SGK2: variants seen among roughly 807,000 people sequenced by gnomAD.
SGK2 encodes the protein serine/threonine-protein kinase Sgk2.
Under a neutral mutation model 47.5 loss-of-function variants are expected in SGK2, and 36 were observed. That is an observed-to-expected ratio of 0.76 (90% CI 0.58 to 1.00). The LOEUF (loss-of-function observed/expected upper bound fraction) is 1.00. Ranked by LOEUF, SGK2 falls within the 50% of genes least tolerant of loss-of-function variation. The probability of loss-of-function intolerance (pLI) is 0.00; values close to 1 mark genes in which losing one functional copy is unlikely to be tolerated. For missense variants in SGK2, 404 were observed against 467.4 expected, an observed-to-expected ratio of 0.86 and a Z score of 1.25; for synonymous variants, 157 against 181.9, an observed-to-expected ratio of 0.86 and a Z score of 1.10.
chr20:43,568,222 T>A (rs1206500280), intron 5 of SGK2, among the ~76,000 whole-genome samples: 3 of 152,186 alleles, frequency 2.0e-5, no homozygotes, highest in African/African-American at 7.2e-5. Flanking sequence ...AGCCTGGCTT[T>A]GCCTTCCCCT....
Position 43,572,241 on chromosome 20 carries a change from C to A in SGK2, c.597+104C>A. 1 of 826,642 alleles carries A rather than the reference C, an allele frequency of 1.2e-6. No homozygotes were observed. Among genetic ancestry groups the A allele is most frequent in the Non-Finnish European group, 2.0e-6 (1 of 500,584 alleles). 51.2% of individuals were successfully genotyped at this position (826,642 alleles called of 1,614,324 possible). A position where few individuals can be genotyped will look rare whatever the true frequency, so the allele number is the denominator to read the frequency against. ...GTGAAGGGGACTCACTCCTTTGACC[C>A]AAACACTTCTCCTGAGTGGGCTATA... is the stretch of plus-strand genomic sequence containing the variant. On this transcript the variant is annotated intron_variant, in intron 9 of 12. Transcript: ENST00000373100. This position sits in a 1 kb window ranked among gnomAD's most constrained non-coding sequence, Gnocchi z 4.2.
rs531680491 is a variant in SGK2 at position 43,563,941 on chromosome 20, G to A, written c.-23-2532G>A. Among the ~76,000 whole-genome samples the A allele has an allele frequency of 2.0e-5, 3 of 152,308 alleles. No homozygotes were observed. The South Asian group carries it at 6.2e-4, about 32-fold the overall frequency. ...TTCAGAACCCACAGAGAACCCCTGA[G>A]GCCCCTGGGCTCAGTTCCCTCCCTG... On this transcript the variant is annotated intron_variant, in intron 1 of 12. Coordinates refer to ENST00000373100, the MANE Select transcript of SGK2 (RefSeq NM_170693.3).
At chr20:43,576,175 T>A in intron 10 of SGK2, 49 bp from the exon 11 acceptor site, 1 of 1,601,446 alleles carries the variant, frequency 6.2e-7, no homozygotes, top group Non-Finnish European at 8.5e-7. Context: ...CCCGAGCCTG[T>A]GTTCACTTTG....
At chr20:43,581,308 A>T (rs556415194) in intron 12 of SGK2, among the ~76,000 whole-genome samples, 93 of 152,256 alleles carry the variant, frequency 6.1e-4, no homozygotes, top group African/African-American at 2.2e-3. Flanking sequence ...GTCATAAAAA[A>T]TTTTATAAAT....
chr20:43,559,644 G>A (rs79324137), intron 1 of SGK2, among the ~76,000 whole-genome samples: 15,667 of 152,240 alleles, frequency 0.1, 895 homozygotes, highest in Middle Eastern at 0.17. Context: ...GGGCAGGCGT[G>A]TAAATGAACA....
At chr20:43,582,513 G>T (rs186297914) in intron 12 of SGK2, among the ~76,000 whole-genome samples, 46 of 148,712 alleles carry the variant, frequency 3.1e-4, no homozygotes, top group African/African-American at 1.1e-3. Flanking sequence ...TCAGCCTCCC[G>T]AGTGGCTGGG....
chr20:43,564,060 T>C lies in SGK2; in HGVS notation c.-23-2413T>C, dbSNP rs142133390. 2.8e-3 allele frequency among the ~76,000 whole-genome samples: 424 copies of C among 152,306 alleles called. 2 individuals are homozygous for C. Among genetic ancestry groups the C allele is most frequent in the African/African-American group, 9.9e-3 (411 of 41,568 alleles). ...GAGAAGGGCAGGGGCTGTGGGCCCATCAACTCCTTTATTCTTGAGAACATC... is the reference window on the plus strand; with the variant it reads ...GAGAAGGGCAGGGGCTGTGGGCCCACCAACTCCTTTATTCTTGAGAACATC... On this transcript the variant is annotated intron_variant, in intron 1 of 12. Coordinates refer to ENST00000373100, the MANE Select transcript of SGK2 (RefSeq NM_170693.3).
In SGK2 at chr20:43,577,143, C is replaced by T. The variant is rs370362606; in HGVS notation, c.849+764C>T. ...AGGTGACAATTAAGCTGAGGCTTGA[C>T]GGATGAGAAAGAGGCAGCCATGAAG... On this transcript the variant is annotated intron_variant, in intron 11 of 12. Transcript: ENST00000373100. 2.0e-4 allele frequency among the ~76,000 whole-genome samples: 31 copies of T among 152,122 alleles called. No individual in the cohort carries two copies. The East Asian group carries it at 4.8e-3, about 24-fold the overall frequency.
intron 12 of SGK2, among the ~76,000 whole-genome samples, chr20:43,584,446 C>T (rs1286728582): frequency 1.3e-5 from 2 of 152,136 alleles, no homozygotes; most frequent in African/African-American, 4.8e-5. Context: ...ACCATATCAC[C>T]CTATTTTCTC....
intron 9 of SGK2, among the ~76,000 whole-genome samples, chr20:43,574,627 G>A (rs1405848410): frequency 1.3e-5 from 2 of 152,244 alleles, no homozygotes; most frequent in African/African-American, 2.4e-5. Context: ...AGCCATGAGT[G>A]CAGCCCCCTT....
chr20:43,566,425 AC>A lies in SGK2; in HGVS notation c.-23-42del, dbSNP rs750160588. 109 of 1,613,406 alleles carry A rather than the reference AC, an allele frequency of 6.8e-5. 1 individual carries two copies. Among genetic ancestry groups the A allele is most frequent in the Middle Eastern group, 3.3e-4 (2 of 6,062 alleles). ...CTGAAGCCCTGGATGGGCGGAGCTGACCCCCCAACACCAACTCTCTCATGCC... is the reference window on the plus strand; with the variant it reads ...CTGAAGCCCTGGATGGGCGGAGCTGACCCCCAACACCAACTCTCTCATGCC... On this transcript the variant is annotated intron_variant, in intron 1 of 12. Coordinates refer to ENST00000373100, the MANE Select transcript of SGK2 (RefSeq NM_170693.3).
At chr20:43,569,361 AC>A (rs772343642) in intron 5 of SGK2, 23 bp from the exon 6 acceptor site, 1 of 1,612,602 alleles carries the variant, frequency 6.2e-7, no homozygotes, top group Non-Finnish European at 8.5e-7. Context: ...TGTGACATGG[AC>A]CCCTCTCTTT....
rs949607708 is a variant in SGK2 at position 43,572,522 on chromosome 20, A to G, written c.597+385A>G. Among the ~76,000 whole-genome samples the G allele has an allele frequency of 6.6e-6, 1 of 152,120 alleles. No homozygotes were observed. Among genetic ancestry groups the G allele is most frequent in the Non-Finnish European group, 1.5e-5 (1 of 68,026 alleles). On this transcript the variant is annotated intron_variant, in intron 9 of 12. Coordinates refer to ENST00000373100, the MANE Select transcript of SGK2 (RefSeq NM_170693.3). The surrounding 1 kb of genome is among the most constrained non-coding windows in gnomAD (Gnocchi z 4.2). ...GAAACCCCATCTCTACTAAAAATAC[A>G]AAAAATTAGCTGGGCACGGTGACGG...
chr20:43,577,547 T>G (rs1980538545), intron 11 of SGK2, among the ~76,000 whole-genome samples: 1 of 151,116 alleles, frequency 6.6e-6, no homozygotes, highest in African/African-American at 2.4e-5. Context: ...AGACGGGGTT[T>G]CACCAAGTTG....
intron 9 of SGK2, among the ~76,000 whole-genome samples, chr20:43,573,363 C>T (rs890519730): frequency 7.2e-5 from 11 of 152,100 alleles, no homozygotes; most frequent in African/African-American, 2.4e-4. Flanking sequence ...CTGGCAGGCA[C>T]CTGTAATCCC....
At chr20:43,564,495 G>A (rs1979566004) in intron 1 of SGK2, among the ~76,000 whole-genome samples, 1 of 152,052 alleles carries the variant, frequency 6.6e-6, no homozygotes, top group East Asian at 1.9e-4. Context: ...ATGCACGCGC[G>A]CACACACATA....
chr20:43,575,172 G>A (rs944496239), intron 10 of SGK2, among the ~76,000 whole-genome samples, 168 bp downstream of exon 10: 3 of 152,028 alleles, frequency 2.0e-5, no homozygotes, highest in African/African-American at 7.2e-5. Flanking sequence ...TTTCAATAAT[G>A]TTAGTTTAGG....
chr20:43,575,581 G>A lies in SGK2; in HGVS notation c.693+577G>A, dbSNP rs1037570432. Among the ~76,000 whole-genome samples the A allele has an allele frequency of 7.2e-5, 11 of 152,258 alleles. No individual in the cohort carries two copies. The South Asian group carries it at 1.0e-3, about 14-fold the overall frequency. ...GAGTTATTCATATTTTGCTGATAGGGAAATTGAGACCAAGAGAGATCACAG... is the reference window on the plus strand; with the variant it reads ...GAGTTATTCATATTTTGCTGATAGGAAAATTGAGACCAAGAGAGATCACAG... On this transcript the variant is annotated intron_variant, in intron 10 of 12. Coordinates refer to ENST00000373100, the MANE Select transcript of SGK2 (RefSeq NM_170693.3).
In SGK2 at chr20:43,585,147, A is replaced by G; in HGVS notation, c.*131A>G. 2 of 879,052 alleles carry G rather than the reference A, an allele frequency of 2.3e-6. No individual in the cohort carries two copies. The highest frequency in any genetic ancestry group is 3.4e-6 in the Non-Finnish European group (2 of 580,814). 54.5% of individuals were successfully genotyped at this position (879,052 alleles called of 1,614,324 possible). A position where few individuals can be genotyped will look rare whatever the true frequency, so the allele number is the denominator to read the frequency against. On this transcript the variant is annotated 3_prime_UTR_variant, in exon 13 of 13. Coordinates refer to ENST00000373100, the MANE Select transcript of SGK2 (RefSeq NM_170693.3). The stretch of plus-strand genomic sequence containing the variant: ...AGGTTTATTTTTTCCAGCACATAAA[A>G]GAAAAATAATGTTTCGGAGTCCAGG...
Sources: allele counts gnomAD v4.1 joint callset (sites outside exome capture counted in the v4.1 genomes callset), GRCh38; gene constraint gnomAD v4.1.1; non-coding constraint Gnocchi (gnomAD v3.1); transcripts MANE v1.5; gene names NCBI Gene and HGNC (gene_info 2026-07-23, HGNC 2026-07-21).